TSHZ2: variants seen among roughly 807,000 people sequenced by gnomAD.
TSHZ2 encodes teashirt zinc finger homeobox 2.
In TSHZ2, 21 loss-of-function variants were observed where a neutral mutation model predicts 74.4. The observed-to-expected ratio is 0.28, with a 90% CI of 0.20 to 0.41. The LOEUF (loss-of-function observed/expected upper bound fraction) is 0.41. Ranked by LOEUF, TSHZ2 falls within the 10% of genes least tolerant of loss-of-function variation. The pLI is 1.00. For missense variants in TSHZ2, 1,244 were observed against 1,293.5 expected, an observed-to-expected ratio of 0.96 and a Z score of 0.59; for synonymous variants, 540 against 515.3, an observed-to-expected ratio of 1.05 and a Z score of -0.65.
intron 1 of TSHZ2, among the ~76,000 whole-genome samples, chr20:52,974,562 A>T (rs974727337): frequency 1.3e-5 from 2 of 152,048 alleles, no homozygotes; most frequent in African/African-American, 4.8e-5. Flanking sequence ...ATTAGGTAAG[A>T]CTGGTCTTCT....
intron 1 of TSHZ2, among the ~76,000 whole-genome samples, chr20:53,135,531 T>C (rs1040591638): frequency 6.6e-6 from 1 of 152,226 alleles, no homozygotes; most frequent in Non-Finnish European, 1.5e-5. Context: ...TGCCGTTTGT[T>C]GATGGGTTCT....
chr20:53,266,648 G>A (rs939670812), intron 2 of TSHZ2, among the ~76,000 whole-genome samples: 10 of 152,212 alleles, frequency 6.6e-5, no homozygotes, highest in African/African-American at 2.2e-4. Flanking sequence ...AAATCCAAAA[G>A]TGTTTGTGTG....
chr20:53,263,351 G>C (rs561417257), intron 2 of TSHZ2, among the ~76,000 whole-genome samples: 1 of 152,126 alleles, frequency 6.6e-6, no homozygotes, highest in African/African-American at 2.4e-5. Flanking sequence ...TTTATTTGCC[G>C]CAAACAGTGG....
At chr20:53,264,476 G>A (rs1568842854) in intron 2 of TSHZ2, among the ~76,000 whole-genome samples, 1 of 152,166 alleles carries the variant, frequency 6.6e-6, no homozygotes, top group Non-Finnish European at 1.5e-5. Context: ...TAGTCTTAAT[G>A]AGCTGATTTT....
chr20:53,310,048 G>GT (rs1385968943), intron 2 of TSHZ2, among the ~76,000 whole-genome samples: 2 of 152,174 alleles, frequency 1.3e-5, no homozygotes, highest in South Asian at 2.1e-4. Flanking sequence ...ACCATGGAAT[G>GT]TTTTTTCTCC....
intron 2 of TSHZ2, among the ~76,000 whole-genome samples, chr20:53,283,463 T>G (rs1991103673): frequency 6.6e-6 from 1 of 152,194 alleles, no homozygotes; most frequent in African/African-American, 2.4e-5. Flanking sequence ...CAACAGAAAT[T>G]AAGCGCCTTG....
chr20:52,977,665 A>C (rs1981397632), intron 1 of TSHZ2, among the ~76,000 whole-genome samples: 1 of 151,730 alleles, frequency 6.6e-6, no homozygotes. Flanking sequence ...TCCACCTCTC[A>C]CCTCACCCTT....
chr20:53,185,998 A>G (rs1228234619), intron 1 of TSHZ2, among the ~76,000 whole-genome samples: 1 of 152,198 alleles, frequency 6.6e-6, no homozygotes, highest in African/African-American at 2.4e-5. Flanking sequence ...TCTTACTGAC[A>G]TAAAGAGGGC....
chr20:53,180,449 A>G (rs1400956902), intron 1 of TSHZ2, among the ~76,000 whole-genome samples: 1 of 152,180 alleles, frequency 6.6e-6, no homozygotes, highest in Non-Finnish European at 1.5e-5. Context: ...ATTGGGTTTC[A>G]TTTCAGTTTT....
At chr20:53,218,287 C>T (rs1244471948) in intron 1 of TSHZ2, among the ~76,000 whole-genome samples, 1 of 152,182 alleles carries the variant, frequency 6.6e-6, no homozygotes, top group Non-Finnish European at 1.5e-5. Flanking sequence ...TCAGCTGGCA[C>T]CTATTATAAT....
At chr20:53,222,083 A>G (rs1015100265) in intron 1 of TSHZ2, among the ~76,000 whole-genome samples, 5 of 152,202 alleles carry the variant, frequency 3.3e-5, no homozygotes, top group Admixed American at 2.0e-4. Flanking sequence ...CTTACTTCTT[A>G]TAATATTTAG....
intron 1 of TSHZ2, among the ~76,000 whole-genome samples, chr20:53,021,703 T>A (rs908191292): frequency 6.6e-6 from 1 of 152,180 alleles, no homozygotes; most frequent in African/African-American, 2.4e-5. Context: ...GAATATATTC[T>A]TAGGAAGGAC....
At chr20:53,100,625 A>G (rs1986190331) in intron 1 of TSHZ2, among the ~76,000 whole-genome samples, 2 of 152,258 alleles carry the variant, frequency 1.3e-5, no homozygotes, top group South Asian at 2.1e-4. Context: ...AACGTTCCCA[A>G]GGATGGTAAC....
chr20:53,164,965 A>G (rs890881732), intron 1 of TSHZ2, among the ~76,000 whole-genome samples: 4 of 152,228 alleles, frequency 2.6e-5, no homozygotes, highest in African/African-American at 7.2e-5. Flanking sequence ...TGATGGTTAT[A>G]TGATCACCAC....
intron 1 of TSHZ2, among the ~76,000 whole-genome samples, chr20:53,131,602 C>G (rs1229751355): frequency 6.6e-6 from 1 of 152,210 alleles, no homozygotes; most frequent in Non-Finnish European, 1.5e-5. Context: ...CTTTCCCACC[C>G]TCTGTTCTTG....
At chr20:53,355,769 A>G (rs1980821979) in intron 2 of TSHZ2, among the ~76,000 whole-genome samples, 1 of 144,608 alleles carries the variant, frequency 6.9e-6, no homozygotes, top group Non-Finnish European at 1.5e-5. Context: ...TTCTATCTCA[A>G]TGAAGCTGTT....
At chr20:53,466,368 A>C (rs1328735583) in intron 2 of TSHZ2, among the ~76,000 whole-genome samples, 6 of 151,736 alleles carry the variant, frequency 4.0e-5, no homozygotes, top group African/African-American at 1.5e-4. Context: ...CTCACATTTT[A>C]GGCAGCAGTA....
chr20:53,078,511 G>A (rs1037157410), intron 1 of TSHZ2, among the ~76,000 whole-genome samples: 23 of 152,174 alleles, frequency 1.5e-4, no homozygotes, highest in Admixed American at 8.5e-4. Context: ...AACACTTTTC[G>A]ATGTGGTCTT....
intron 2 of TSHZ2, among the ~76,000 whole-genome samples, chr20:53,324,885 T>C (rs368431918): frequency 2.0e-5 from 3 of 152,346 alleles, no homozygotes; most frequent in African/African-American, 7.2e-5. Context: ...ACAGCCAGTT[T>C]TGTGCTCAAC....
Sources: allele counts gnomAD v4.1 joint callset (sites outside exome capture counted in the v4.1 genomes callset), GRCh38; gene constraint gnomAD v4.1.1; transcripts MANE v1.5; gene names NCBI Gene and HGNC (gene_info 2026-07-23, HGNC 2026-07-21).